The following LDB3 variants were observed in gnomAD, a reference collection of about 807,000 sequenced individuals.
LDB3 encodes LIM domain binding 3, also known as LIM domain-binding protein 3.
A neutral mutation model predicts 69.0 loss-of-function variants in LDB3; 49 were observed. The observed-to-expected ratio is 0.71, with a 90% confidence interval of 0.56 to 0.90. The LOEUF is 0.90. Ranked by LOEUF, LDB3 falls within the 40% of genes least tolerant of loss-of-function variation. The pLI, the probability that LDB3 is intolerant of heterozygous loss-of-function variation, is 0.00. For synonymous variants in LDB3, 387 were observed against 396.2 expected, an observed-to-expected ratio of 0.98 and a Z score of 0.28; for missense variants, 928 against 974.1, an observed-to-expected ratio of 0.95 and a Z score of 0.63.
intron 7 of LDB3, among the ~76,000 whole-genome samples, chr10:86,695,116 C>T (rs975294417): frequency 6.8e-6 from 1 of 147,848 alleles, no homozygotes; most frequent in African/African-American, 2.5e-5. Context: ...CAGTCTTATG[C>T]CCATGCAAAG....
In LDB3 at chr10:86,696,084, C is replaced by T. The variant is rs1167049846; in HGVS notation, c.896+3513C>T. Among the ~76,000 whole-genome samples, 9 of 152,286 alleles carry T rather than the reference C, an allele frequency of 5.9e-5. No individual in the cohort carries two copies. The South Asian group carries it at 1.2e-3, about 21-fold the overall frequency. On this transcript the variant is annotated intron_variant, in intron 7 of 13. Coordinates refer to ENST00000361373, the MANE Select transcript of LDB3 (RefSeq NM_007078.3). ...GATCATGCAAAAATCCTTCCATGCC[C>T]GTTTTCTATCATGCAGCCATTAAGC...
rs112790021 is a variant in LDB3, at chr10:86,679,073, T to C, written c.94-294T>C. 0.05 allele frequency among the ~76,000 whole-genome samples: 7,679 copies of C among 152,200 alleles called. 315 individuals are homozygous for C. The highest frequency in any genetic ancestry group is 0.12 in the Admixed American group (1,871 of 15,284). ...GTCAACAAGCAGAGAGTGTGCAGGATCACAAGGATGGTTGCTAGAGGCAGA... is the reference window on the plus strand; with the variant it reads ...GTCAACAAGCAGAGAGTGTGCAGGACCACAAGGATGGTTGCTAGAGGCAGA... On this transcript the variant is annotated intron_variant, in intron 2 of 13. Coordinates refer to ENST00000361373, the MANE Select transcript of LDB3 (RefSeq NM_007078.3).
chr10:86,714,296 CCTT>C (rs1231448169), intron 9 of LDB3, among the ~76,000 whole-genome samples: 1 of 152,106 alleles, frequency 6.6e-6, no homozygotes, highest in African/African-American at 2.4e-5. Context: ...CAGGGGGTCT[CCTT>C]CATGTTGAAA....
At chr10:86,709,311 G>A (rs1846552294) in intron 8 of LDB3, among the ~76,000 whole-genome samples, 1 of 152,082 alleles carries the variant, frequency 6.6e-6, no homozygotes, top group Non-Finnish European at 1.5e-5. Context: ...GGTGACCCTA[G>A]GCCCCTTGAA....
At chr10:86,686,817 A>AAG (rs976338494) in intron 5 of LDB3, among the ~76,000 whole-genome samples, 1 of 151,432 alleles carries the variant, frequency 6.6e-6, no homozygotes, top group East Asian at 1.9e-4. Context: ...AAAAAAAAAA[A>AAG]AAAAGAAAGA....
At position 86,716,555 on chromosome 10, in the gene LDB3, G is replaced by A. The variant is rs146265188; in HGVS notation, c.1460G>A (p.Arg487His). 3.2e-4 allele frequency: 509 copies of A among 1,613,274 alleles called. 2 individuals carry two copies. The African/African-American group carries it at 5.1e-3, about 16-fold the overall frequency. Residue 487 changes from arginine to histidine, a missense_variant, in exon 10 of 14, where the codon CGT becomes CAT. Physicochemically the swap from Arg to His is conservative, Grantham distance 29 (BLOSUM62 0). Transcript: ENST00000361373. The part of the protein sequence containing the change: ...YSGGPAEPAS[R>H]PPWVTDDSFS... ...GGGGGCCCTGCGGAGCCTGCCAGCC[G>A]TCCACCCTGGGTGACAGATGATAGC...
At chr10:86,728,094 A>T (rs1847324144) in intron 13 of LDB3, among the ~76,000 whole-genome samples, 1 of 152,170 alleles carries the variant, frequency 6.6e-6, no homozygotes, top group Non-Finnish European at 1.5e-5. Context: ...CTGCAGAGTC[A>T]TAGCTCCCCT....
At chr10:86,709,476 T>A (rs536667563) in intron 8 of LDB3, among the ~76,000 whole-genome samples, 1 of 152,302 alleles carries the variant, frequency 6.6e-6, no homozygotes, top group South Asian at 2.1e-4. Flanking sequence ...GAGACTTTGC[T>A]GTTCCTTCCA....
At position 86,716,681 on chromosome 10, in the gene LDB3, C is replaced by T. The variant is rs397517217; in HGVS notation, c.1586C>T (p.Pro529Leu). The change falls in exon 10 of 14, where the codon CCA (proline) becomes CTA (leucine). Residue 529 changes from proline (P) to leucine (L), a missense_variant. Pro to Leu is a moderately conservative substitution (Grantham distance 98, BLOSUM62 -3). Coordinates refer to ENST00000361373, the MANE Select transcript of LDB3 (RefSeq NM_007078.3). ...TACACCCCAGCGGGTCCTCAGGTGC[C>T]ACCACTTGCCAGGGGGACCGTCCAG... ...PAYTPAGPQV[P>L]PLARGTVQRA... The T allele has an allele frequency of 2.5e-6, 4 of 1,613,798 alleles. No homozygotes were observed. The highest frequency in any genetic ancestry group is 3.4e-6 in the Non-Finnish European group (4 of 1,179,994).
chr10:86,669,082 C>T (rs2132321877), intron 2 of LDB3, among the ~76,000 whole-genome samples: 1 of 152,278 alleles, frequency 6.6e-6, no homozygotes, highest in Non-Finnish European at 1.5e-5. Context: ...ACAGAGAGTA[C>T]AGCACCTTCC....
intron 2 of LDB3, among the ~76,000 whole-genome samples, chr10:86,672,981 T>C (rs1420370466): frequency 6.6e-6 from 1 of 152,198 alleles, no homozygotes; most frequent in East Asian, 1.9e-4. Flanking sequence ...TCTCCTTCCC[T>C]TTCTGCATGG....
At chr10:86,720,417 C>T (rs543208395) in intron 12 of LDB3, among the ~76,000 whole-genome samples, 1 of 151,124 alleles carries the variant, frequency 6.6e-6, no homozygotes, top group South Asian at 2.1e-4. Context: ...GCACTCCAGC[C>T]TGGGCAACAC....
chr10:86,686,333 A>G (rs2803571), intron 5 of LDB3, among the ~76,000 whole-genome samples: 152,057 of 152,332 alleles, frequency 1, 75,891 homozygotes, highest in Middle Eastern at 1. Context: ...GCCGCTTTTC[A>G]CCTTTGGGGC....
intron 5 of LDB3, chr10:86,685,728 G>C (rs769372108): frequency 9.9e-6 from 16 of 1,613,744 alleles, no homozygotes; most frequent in African/African-American, 1.3e-5. Context: ...GCATGTGTGT[G>C]CGCTTGCGTG....
At chr10:86,668,899 C>G (rs45501499) in intron 2 of LDB3, 115 bp downstream of exon 2, 1 of 816,108 alleles carries the variant, frequency 1.2e-6, no homozygotes, top group African/African-American at 1.7e-5. Context: ...CAGAGCATGC[C>G]CCATCCCCTG....
chr10:86,695,899 C>T (rs1453675630), intron 7 of LDB3, among the ~76,000 whole-genome samples: 1 of 152,192 alleles, frequency 6.6e-6, no homozygotes, highest in Non-Finnish European at 1.5e-5. Flanking sequence ...CCCAGACATG[C>T]CCCTGATCCC....
intron 8 of LDB3, among the ~76,000 whole-genome samples, chr10:86,709,558 G>T (rs565516185): frequency 2.0e-5 from 3 of 152,296 alleles, no homozygotes; most frequent in African/African-American, 2.4e-5. Flanking sequence ...GGTCGTGGGG[G>T]TAGGTAGTTC....
chr10:86,692,426 A>C, intron 6 of LDB3, 109 bp from the exon 7 acceptor site: 1 of 1,115,200 alleles, frequency 9.0e-7, no homozygotes, highest in Non-Finnish European at 1.4e-6. Flanking sequence ...GGGGGCAGTC[A>C]CCGTGTGGGG....
At position 86,681,522 on chromosome 10, in the gene LDB3, G is replaced by A. The variant is rs375626151; in HGVS notation, c.408G>A (p.Pro136=). 11 of 1,612,044 alleles carry A rather than the reference G, an allele frequency of 6.8e-6. No individual in the cohort carries two copies. Among genetic ancestry groups the A allele is most frequent in the South Asian group, 5.5e-5 (5 of 91,078 alleles). Residue 136 remains proline, a synonymous_variant, in exon 5 of 14, where the codon CCG becomes CCA. Coordinates refer to ENST00000361373, the MANE Select transcript of LDB3 (RefSeq NM_007078.3). ...CCAGCCCAGGCACCCCAGGCACCCC[G>A]GAGCTCAGGCCCACCTTTAGCCCTG... ...ARASPGTPGT[P]ELRPTFSPAF...
Sources: allele counts gnomAD v4.1 joint callset (sites outside exome capture counted in the v4.1 genomes callset), GRCh38; gene constraint gnomAD v4.1.1; transcripts MANE v1.5; gene names NCBI Gene and HGNC (gene_info 2026-07-23, HGNC 2026-07-21).